The following ZMIZ1 variants were observed in gnomAD, a reference collection of about 807,000 sequenced individuals.
ZMIZ1 encodes the protein zinc finger MIZ-type containing 1.
Under a neutral mutation model 113.9 loss-of-function variants are expected in ZMIZ1, and 17 were observed. The observed-to-expected ratio is 0.15, with a 90% CI of 0.10 to 0.22. The LOEUF is 0.22. Among genes scored for constraint, ZMIZ1 ranks in the 10% least tolerant of loss-of-function variants. ZMIZ1 has a pLI of 1.00. For synonymous variants in ZMIZ1, 607 were observed against 603.1 expected, an observed-to-expected ratio of 1.01 and a Z score of -0.09; for missense variants, 1,059 against 1,477.8, an observed-to-expected ratio of 0.72 and a Z score of 4.65.
At chr10:79,128,792 T>C (rs1314018153) in intron 2 of ZMIZ1, among the ~76,000 whole-genome samples, 2 of 151,856 alleles carry the variant, frequency 1.3e-5, no homozygotes, top group Non-Finnish European at 2.9e-5. Context: ...CATTTTGACA[T>C]TGGCCAGCAT....
intron 1 of ZMIZ1, among the ~76,000 whole-genome samples, chr10:79,103,964 A>G (rs936679952): frequency 2.0e-5 from 3 of 152,232 alleles, no homozygotes; most frequent in African/African-American, 7.2e-5. Flanking sequence ...GTCACTACCA[A>G]CCTTGTTCCC....
chr10:79,288,212 A>C (rs1399867052), intron 8 of ZMIZ1, among the ~76,000 whole-genome samples: 1 of 152,218 alleles, frequency 6.6e-6, no homozygotes, highest in East Asian at 1.9e-4. Context: ...GGCACAGAGC[A>C]CAAGACTTGG....
In ZMIZ1 at chr10:79,292,293, A is replaced by G; in HGVS notation, c.894A>G (p.Thr298=). 1.2e-6 allele frequency: 2 copies of G among 1,613,356 alleles called. No homozygotes were observed. The highest frequency in any genetic ancestry group is 1.7e-6 in the Non-Finnish European group (2 of 1,179,760). ...CAGCAGCAGCCACAGCTACAGCCACAGCCACGGCCACTGTGGCAGCCCTGC... is the reference window on the plus strand; with the variant it reads ...CAGCAGCAGCCACAGCTACAGCCACGGCCACGGCCACTGTGGCAGCCCTGC... ...VAAAAATATA[T]ATATVAALQE... Residue 298 remains threonine (T), a synonymous_variant, in exon 11 of 25, where the codon ACA becomes ACG. Transcript: ENST00000334512.
At chr10:79,143,699 G>A (rs1015654634) in intron 3 of ZMIZ1, among the ~76,000 whole-genome samples, 2 of 151,948 alleles carry the variant, frequency 1.3e-5, no homozygotes, top group Admixed American at 1.3e-4. Flanking sequence ...CAGAGAGAAC[G>A]GCCTTGACTT....
intron 3 of ZMIZ1, among the ~76,000 whole-genome samples, chr10:79,149,517 A>G (rs547072090): frequency 6.6e-6 from 1 of 152,298 alleles, no homozygotes; most frequent in Non-Finnish European, 1.5e-5. Context: ...CCTGGAGGCC[A>G]TGGGTAGCCT....
chr10:79,195,598 G>A (rs1847800666), intron 4 of ZMIZ1, among the ~76,000 whole-genome samples: 1 of 152,252 alleles, frequency 6.6e-6, no homozygotes, highest in Non-Finnish European at 1.5e-5. Context: ...GCTGAGTGGC[G>A]CTCTTGTGGC....
At chr10:79,140,015 G>A (rs1177559447) in intron 3 of ZMIZ1, among the ~76,000 whole-genome samples, 1 of 152,198 alleles carries the variant, frequency 6.6e-6, no homozygotes, top group African/African-American at 2.4e-5. Context: ...GGGGCACTGG[G>A]CTCAGGTCCT....
intron 7 of ZMIZ1, among the ~76,000 whole-genome samples, chr10:79,229,314 G>A (rs1849305093): frequency 6.6e-6 from 1 of 152,244 alleles, no homozygotes; most frequent in Admixed American, 6.5e-5. Context: ...CCGGCTGCCT[G>A]TGCTGTTCTG....
Position 79,299,091 on chromosome 10 carries a change from G to A in ZMIZ1, c.1708G>A (p.Asp570Asn). The change falls in exon 16 of 25, where the codon GAT (aspartate) becomes AAT (asparagine). Residue 570 changes from aspartate (D) to asparagine (N), a missense_variant. Asp to Asn is a conservative substitution (Grantham distance 23). Transcript: ENST00000334512. ...DELRLTFPVR[D>N]GVVLEPFRLE... ...GCTGCGGCTCACATTCCCTGTGCGG[G>A]ATGGCGTGGTGCTGGAGCCCTTCCG... The A allele has an allele frequency of 6.2e-7, 1 of 1,612,664 alleles. No individual in the cohort carries two copies. Among genetic ancestry groups the A allele is most frequent in the Non-Finnish European group, 8.5e-7 (1 of 1,179,834 alleles).
At position 79,313,897 on chromosome 10, in the gene ZMIZ1, C is replaced by T. The variant is rs1192709179; in HGVS notation, c.*1148C>T. ...GGCCGGGGAGGTGCAGAAACCAGAG[C>T]CCAGGGCAATGGTGTCTGTCCAGCC... On this transcript the variant is annotated 3_prime_UTR_variant, in exon 25 of 25. Transcript: ENST00000334512. 1 of 383,796 alleles carries T rather than the reference C, an allele frequency of 2.6e-6. No individual in the cohort carries two copies. The highest frequency in any genetic ancestry group is 5.2e-6 in the Non-Finnish European group (1 of 191,170). 23.8% of individuals were successfully genotyped at this position (383,796 alleles called of 1,614,324 possible).
chr10:79,235,030 G>A (rs1331256177), intron 7 of ZMIZ1, among the ~76,000 whole-genome samples: 1 of 152,258 alleles, frequency 6.6e-6, no homozygotes, highest in Non-Finnish European at 1.5e-5. Context: ...AGAGCACGCA[G>A]TTCTGTGAGC....
intron 7 of ZMIZ1, among the ~76,000 whole-genome samples, chr10:79,251,048 G>T (rs1020604487): frequency 1.3e-5 from 2 of 152,156 alleles, no homozygotes; most frequent in South Asian, 2.1e-4. Flanking sequence ...GGGACTTGTG[G>T]CCATTGTAGA....
intron 1 of ZMIZ1, among the ~76,000 whole-genome samples, chr10:79,108,954 C>T (rs1466789600): frequency 6.6e-6 from 1 of 152,084 alleles, no homozygotes; most frequent in Non-Finnish European, 1.5e-5. Flanking sequence ...CCCAGGCCCA[C>T]GTGCTCTGTG....
intron 2 of ZMIZ1, among the ~76,000 whole-genome samples, chr10:79,121,103 A>C (rs1340482331): frequency 6.6e-6 from 1 of 152,222 alleles, no homozygotes; most frequent in African/African-American, 2.4e-5. Flanking sequence ...TGAGGTTCTC[A>C]GGGACACCTG....
chr10:79,089,904 C>CCGG (rs1261566045), intron 1 of ZMIZ1, among the ~76,000 whole-genome samples: 3 of 152,170 alleles, frequency 2.0e-5, no homozygotes, highest in Non-Finnish European at 2.9e-5. Flanking sequence ...ACGGGATGCG[C>CCGG]CGGAGTGTAA....
At chr10:79,221,417 AGCGCACGTGC>A (rs962493052) in intron 7 of ZMIZ1, among the ~76,000 whole-genome samples, 9 of 152,172 alleles carry the variant, frequency 5.9e-5, no homozygotes, top group Admixed American at 5.2e-4. Context: ...TTAGCCTCAG[AGCGCACGTGC>A]GCGGGCGGGA....
intron 5 of ZMIZ1, among the ~76,000 whole-genome samples, chr10:79,205,756 C>T (rs989055282): frequency 2.6e-5 from 4 of 152,118 alleles, no homozygotes; most frequent in Admixed American, 1.3e-4. Flanking sequence ...ACTTCAGTCA[C>T]CTCTTGGTTG....
At chr10:79,197,595 TACAC>T (rs10648318) in intron 4 of ZMIZ1, among the ~76,000 whole-genome samples, 1 of 136,758 alleles carries the variant, frequency 7.3e-6, no homozygotes, top group Non-Finnish European at 1.5e-5. Flanking sequence ...ACCCAGACCA[TACAC>T]ACACACACAC....
chr10:79,190,874 A>G (rs1358952453), intron 4 of ZMIZ1, among the ~76,000 whole-genome samples: 2 of 152,198 alleles, frequency 1.3e-5, no homozygotes, highest in Non-Finnish European at 2.9e-5. Context: ...AAGTCAGGAA[A>G]CGGGAAGTTT....
Sources: gnomAD v4.1 joint callset for allele counts (sites outside exome capture counted in the v4.1 genomes callset) on GRCh38, gnomAD v4.1.1 for gene constraint, MANE v1.5 for transcripts, NCBI Gene and HGNC (gene_info 2026-07-23, HGNC 2026-07-21) for gene names.